The following SIAH3 variants were observed in gnomAD, a reference collection of about 807,000 sequenced individuals.
The protein encoded by SIAH3 is siah E3 ubiquitin protein ligase family member 3.
In SIAH3, 9 loss-of-function variants were observed where a neutral mutation model predicts 12.6. The ratio of observed to expected loss-of-function variants is 0.72; its 90% CI spans 0.43 to 1.25. SIAH3 has a LOEUF of 1.25. SIAH3 is among the 50% of genes most tolerant of loss of function. SIAH3 has a pLI of 0.00. For synonymous variants in SIAH3, 154 were observed against 151.1 expected (o/e 1.02, Z -0.14); for missense variants, 390 against 365.4 (o/e 1.07, Z -0.55).
intron 1 of SIAH3, among the ~76,000 whole-genome samples, chr13:45,844,685 C>T (rs57303987): frequency 6.6e-6 from 1 of 152,046 alleles, no homozygotes; most frequent in African/African-American, 2.4e-5. Context: ...TCTGGAGAAC[C>T]CTGACTAATA....
chr13:45,803,986 G>A (rs758265920), intron 1 of SIAH3, among the ~76,000 whole-genome samples: 11 of 152,170 alleles, frequency 7.2e-5, no homozygotes, highest in Non-Finnish European at 1.2e-4. Flanking sequence ...ACCTACAACC[G>A]ATTTGTAGAG....
chr13:45,778,139 G>A lies in SIAH3; in HGVS notation c.*5244C>T, dbSNP rs140104890. On this transcript the variant is annotated 3_prime_UTR_variant, in exon 2 of 2. Transcript: ENST00000400405. ...TCTGTCCCTCAGCTTCATGCTTTAC[G>A]GGGGTCCCACTTTTGTGATAATGCA... The A allele has an allele frequency of 3.3e-5, 5 of 152,232 alleles. No individual in the cohort carries two copies. The highest frequency in any genetic ancestry group is 1.9e-4 in the East Asian group (1 of 5,170). 9.4% of individuals were successfully genotyped at this position (152,232 alleles called of 1,614,324 possible).
intron 1 of SIAH3, among the ~76,000 whole-genome samples, chr13:45,822,787 CATT>C (rs1950660894): frequency 6.6e-6 from 1 of 151,986 alleles, no homozygotes; most frequent in African/African-American, 2.4e-5. Flanking sequence ...AGAAACTCAT[CATT>C]GTCCTGAAAC....
intron 1 of SIAH3, among the ~76,000 whole-genome samples, chr13:45,820,155 T>C (rs981648512): frequency 1.3e-5 from 2 of 152,196 alleles, no homozygotes; most frequent in African/African-American, 4.8e-5. Context: ...ACCATCACAT[T>C]GGCCACTAAG....
chr13:45,796,057 C>A (rs1174258069), intron 1 of SIAH3, among the ~76,000 whole-genome samples: 1 of 152,106 alleles, frequency 6.6e-6, no homozygotes, highest in Non-Finnish European at 1.5e-5. Context: ...CAGTGGTTAT[C>A]TTTGTGTGTG....
At chr13:45,789,357 C>CATCTATCTATCTATCT (rs67992215) in intron 1 of SIAH3, among the ~76,000 whole-genome samples, 11 of 107,204 alleles carry the variant, frequency 1.0e-4, no homozygotes, top group East Asian at 5.5e-4. Context: ...GTGTATCTAT[C>CATCTATCTATCTATCT]ATCTATCTAT....
At chr13:45,797,041 T>C (rs562282243) in intron 1 of SIAH3, among the ~76,000 whole-genome samples, 1 of 152,330 alleles carries the variant, frequency 6.6e-6, no homozygotes, top group Admixed American at 6.5e-5. Context: ...TATTCATCTT[T>C]GGGTTATTAT....
At chr13:45,809,930 A>G (rs1290609381) in intron 1 of SIAH3, among the ~76,000 whole-genome samples, 1 of 152,250 alleles carries the variant, frequency 6.6e-6, no homozygotes, top group East Asian at 1.9e-4. Context: ...CAAAAGCAAA[A>G]CCAAACCAAG....
chr13:45,791,501 GGTGT>G (rs145679967), intron 1 of SIAH3, among the ~76,000 whole-genome samples: 1 of 151,470 alleles, frequency 6.6e-6, no homozygotes, highest in African/African-American at 2.4e-5. Flanking sequence ...ATAGAAATAT[GGTGT>G]GTGTGTGTGT....
intron 1 of SIAH3, among the ~76,000 whole-genome samples, chr13:45,844,179 G>A (rs1309225831): frequency 1.3e-5 from 2 of 152,174 alleles, no homozygotes; most frequent in African/African-American, 2.4e-5. Context: ...AAATTTAGGT[G>A]TCAAGTTGAC....
At chr13:45,820,030 A>G (rs570585525) in intron 1 of SIAH3, among the ~76,000 whole-genome samples, 1 of 152,344 alleles carries the variant, frequency 6.6e-6, no homozygotes, top group South Asian at 2.1e-4. Flanking sequence ...AGCAGGAGGA[A>G]GAAGGGCAAG....
intron 1 of SIAH3, among the ~76,000 whole-genome samples, chr13:45,803,205 A>G (rs1395929882): frequency 1.3e-5 from 2 of 152,230 alleles, no homozygotes; most frequent in African/African-American, 4.8e-5. Flanking sequence ...GTGCATACAC[A>G]GCAAGTGATC....
chr13:45,822,016 G>C (rs370541540), intron 1 of SIAH3, among the ~76,000 whole-genome samples: 5 of 152,126 alleles, frequency 3.3e-5, no homozygotes, highest in African/African-American at 4.8e-5. Context: ...GTGGGTCCCC[G>C]GCAGGACTAT....
intron 1 of SIAH3, among the ~76,000 whole-genome samples, chr13:45,838,751 G>A (rs1236296490): frequency 6.6e-6 from 1 of 152,012 alleles, no homozygotes. Context: ...AGGTGACTCT[G>A]GGGCCTCCTT....
In SIAH3 at chr13:45,790,790, G is replaced by T. The variant is rs558682276; in HGVS notation, c.136-6733C>A. 2.0e-5 allele frequency among the ~76,000 whole-genome samples: 3 copies of T among 152,362 alleles called. No individual in the cohort carries two copies. The East Asian group carries it at 5.8e-4, about 29-fold the overall frequency. On this transcript the variant is annotated intron_variant, in intron 1 of 1. Transcript: ENST00000400405. Reference sequence around the variant, plus strand: ...TGTCTGAGACAATCAGCTGCCGTAAGACAGGAATGCTGCCTCCCTACCTGA... The same window carrying T: ...TGTCTGAGACAATCAGCTGCCGTAATACAGGAATGCTGCCTCCCTACCTGA...
At chr13:45,835,730 C>G (rs1950715428) in intron 1 of SIAH3, among the ~76,000 whole-genome samples, 1 of 152,180 alleles carries the variant, frequency 6.6e-6, no homozygotes, top group Admixed American at 6.5e-5. Context: ...GAGCTCGGAC[C>G]CAGTCTGGCT....
At position 45,813,457 on chromosome 13, in the gene SIAH3, T is replaced by C. The variant is rs1006522316; in HGVS notation, c.136-29400A>G. 2.6e-5 allele frequency among the ~76,000 whole-genome samples: 4 copies of C among 152,210 alleles called. No individual in the cohort carries two copies. The South Asian group carries it at 8.3e-4, about 32-fold the overall frequency. On this transcript the variant is annotated intron_variant, in intron 1 of 1. Transcript: ENST00000400405. Reference sequence around the variant, plus strand: ...TGGCCAGCTTGGTGACCACAAGCCCTATTCCCCAGCATTACAGAGTCATTC... The same window carrying C: ...TGGCCAGCTTGGTGACCACAAGCCCCATTCCCCAGCATTACAGAGTCATTC...
Position 45,811,966 on chromosome 13 carries a change from A to G in SIAH3, c.136-27909T>C, listed in dbSNP as rs532847137. Among the ~76,000 whole-genome samples the G allele has an allele frequency of 2.0e-5, 3 of 152,320 alleles. No individual in the cohort carries two copies. In the South Asian group the frequency reaches 6.2e-4, roughly 32 times the overall value. ...TCTGGCCTGGGCATGCCTGCACTGG[A>G]ATCCCATGGGAAGTCTCCCTCTGAA... On this transcript the variant is annotated intron_variant, in intron 1 of 1. Coordinates refer to ENST00000400405, the MANE Select transcript of SIAH3 (RefSeq NM_198849.3).
chr13:45,826,451 G>GAGTGGGTGCGTGGGTGGATT, intron 1 of SIAH3, among the ~76,000 whole-genome samples: 1 of 135,576 alleles, frequency 7.4e-6, no homozygotes, highest in Admixed American at 7.2e-5. Context: ...ATGGATGGAT[G>GAGTGGGTGCGTGGGTGGATT]GATGGATGAA....
Sources: allele counts gnomAD v4.1 joint callset (sites outside exome capture counted in the v4.1 genomes callset), GRCh38; gene constraint gnomAD v4.1.1; transcripts MANE v1.5; gene names NCBI Gene and HGNC (gene_info 2026-07-23, HGNC 2026-07-21).